Variants in MACF1 observed in about 807,000 individuals in gnomAD.
MACF1 encodes the protein microtubule-actin cross-linking factor 1.
Under a neutral mutation model 854.8 loss-of-function variants are expected in MACF1, and 193 were observed. The ratio of observed to expected loss-of-function variants is 0.23; its 90% CI spans 0.20 to 0.25. The LOEUF (loss-of-function observed/expected upper bound fraction) is 0.25. MACF1 is among the 10% of genes least tolerant of loss of function. MACF1 has a pLI of 1.00. For synonymous variants in MACF1, 3,185 were observed against 3,226.7 expected (o/e 0.99, Z 0.44); for missense variants, 7,722 against 8,929.1 (o/e 0.86, Z 5.45).
chr1:39,084,974 G>A lies in MACF1; in HGVS notation c.220+536G>A, dbSNP rs916631867. ...TGGAGAGTACAGTTTTACTTGTATC[G>A]CCTTCCAAAAGTGTTCTACATGCTG... On this transcript the variant is annotated intron_variant, in intron 2 of 93. Transcript: ENST00000361689. The surrounding 1 kb of genome is among the most constrained non-coding windows in gnomAD (Gnocchi z 5.2). Among the ~76,000 whole-genome samples, 13 of 151,950 alleles carry A rather than the reference G, an allele frequency of 8.6e-5. No homozygotes were observed. The highest frequency in any genetic ancestry group is 2.4e-4 in the African/African-American group (10 of 41,348).
chr1:39,441,053 G>A lies in MACF1; in HGVS notation c.18498G>A (p.Arg6166=). The A allele has an allele frequency of 6.2e-7, 1 of 1,614,196 alleles. No individual in the cohort carries two copies. Among genetic ancestry groups the A allele is most frequent in the Non-Finnish European group, 8.5e-7 (1 of 1,180,024 alleles). Residue 6166 remains arginine (R), a synonymous_variant, in exon 73 of 101, where the codon CGG becomes CGA. Coordinates refer to ENST00000564288, the MANE Select transcript of MACF1 (RefSeq NM_001394062.1). ...TGCATGAAGAGCTGGAGTTTATTCG[G>A]ATCCTTGGAGCAGATTTGATTTTTG... ...DGLHEELEFI[R]ILGADLIFAC...
At position 39,486,162 on chromosome 1, in the gene MACF1, T is replaced by C. The variant is rs2124275667; in HGVS notation, c.*368T>C. Reference sequence around the variant, plus strand: ...AGGATTATTCCTAAATGCATCTTCTTTATAAACTTGACTTGCTATCTCAGC... The same window carrying C: ...AGGATTATTCCTAAATGCATCTTCTCTATAAACTTGACTTGCTATCTCAGC... On this transcript the variant is annotated 3_prime_UTR_variant, in exon 101 of 101. Transcript: ENST00000564288. 6.2e-6 allele frequency: 1 copy of C among 160,584 alleles called. No homozygotes were observed. Among genetic ancestry groups the C allele is most frequent in the East Asian group, 1.8e-4 (1 of 5,570 alleles). The allele number at this position is 160,584 out of a possible 1,614,324, so 9.9% of individuals were successfully genotyped here.
At chr1:39,161,903 A>AG (rs1643806219) in intron 2 of MACF1, among the ~76,000 whole-genome samples, 1 of 150,268 alleles carries the variant, frequency 6.7e-6, no homozygotes, top group Admixed American at 6.6e-5. Flanking sequence ...ATTAAAAAAA[A>AG]AAAACTAGCC....
chr1:39,339,428 G>A (rs1186091397), intron 38 of MACF1, among the ~76,000 whole-genome samples: 1 of 152,158 alleles, frequency 6.6e-6, no homozygotes, highest in African/African-American at 2.4e-5. Context: ...AACTGCCACA[G>A]GGAGATTGAG....
At chr1:39,134,136 G>C (rs1419808619) in intron 2 of MACF1, among the ~76,000 whole-genome samples, 1 of 148,834 alleles carries the variant, frequency 6.7e-6, no homozygotes, top group Non-Finnish European at 1.5e-5. Context: ...CGCCTCCCGG[G>C]TTCATGCCAT....
At chr1:39,477,075 A>ACACTTAGTGTG (rs1331285017) in intron 97 of MACF1, among the ~76,000 whole-genome samples, 1 of 51,308 alleles carries the variant, frequency 1.9e-5, no homozygotes, top group African/African-American at 1.1e-4. Flanking sequence ...ATATATATAT[A>ACACTTAGTGTG]TATATATATA....
chr1:39,319,356 T>C (rs1646470147), intron 30 of MACF1, among the ~76,000 whole-genome samples: 1 of 152,158 alleles, frequency 6.6e-6, no homozygotes, highest in Non-Finnish European at 1.5e-5. Context: ...CTGCCTGTAA[T>C]TGCAGCACTT....
chr1:39,281,229 A>C (rs890662969), intron 6 of MACF1, among the ~76,000 whole-genome samples: 15 of 152,332 alleles, frequency 9.8e-5, no homozygotes, highest in South Asian at 2.1e-4. Flanking sequence ...GGAAAATATA[A>C]AAATCCCCTG....
rs1224158470 is a variant in MACF1, at chr1:39,309,464, C to T, written c.2790-106C>T. The T allele has an allele frequency of 1.3e-5, 18 of 1,342,932 alleles. No homozygotes were observed. In the Admixed American group the frequency reaches 1.9e-4, roughly 14 times the overall value. 83.2% of individuals were successfully genotyped at this position (1,342,932 alleles called of 1,614,324 possible). A position where few individuals can be genotyped will look rare whatever the true frequency, so the allele number is the denominator to read the frequency against. On this transcript the variant is annotated intron_variant, in intron 23 of 100. Coordinates refer to ENST00000564288, the MANE Select transcript of MACF1 (RefSeq NM_001394062.1). The stretch of plus-strand genomic sequence containing the variant: ...TGACTTGTTGCCTTTCTCTGCTCAA[C>T]ATATAAGCTCAATTCTGCTAAGGCA...
intron 58 of MACF1, among the ~76,000 whole-genome samples, chr1:39,393,189 A>AT (rs1557627745): frequency 3.7e-4 from 38 of 103,974 alleles, no homozygotes; most frequent in African/African-American, 1.7e-3. Context: ...GGTAAAAAAA[A>AT]AAAAAAAATA....
rs1376894495 is a variant in MACF1 at position 39,205,132 on chromosome 1, GTAACTAAC to G, written c.109+3_109+10del. The stretch of plus-strand genomic sequence containing the variant: ...AAGAGGCATGCCAGAGGTAGAGCAG[GTAACTAAC>G]TGGTACCCAGTTATTCTTTAAATCT... On this transcript the variant is annotated splice_donor_variant and splice_donor_5th_base_variant and intron_variant, in intron 1 of 100. Coordinates refer to ENST00000564288, the MANE Select transcript of MACF1 (RefSeq NM_001394062.1). LOFTEE classifies it high-confidence loss of function. 3 of 702,894 alleles carry G rather than the reference GTAACTAAC, an allele frequency of 4.3e-6. No individual in the cohort carries two copies. Among genetic ancestry groups the G allele is most frequent in the Non-Finnish European group, 7.8e-6 (3 of 385,000 alleles). The allele number at this position is 702,894 out of a possible 1,614,324, so 43.5% of individuals were successfully genotyped here. A position where few individuals can be genotyped will look rare whatever the true frequency, so the allele number is the denominator to read the frequency against.
In MACF1 at chr1:39,382,296, A is replaced by T. The variant is rs538700853; in HGVS notation, c.13848+144A>T. ...TAAATGAGGTATTTATAAGGTGTTA[A>T]TCATGGTGCCTGTAAAATAGTAAAC... On this transcript the variant is annotated intron_variant, in intron 56 of 100. Transcript: ENST00000564288. 4 of 729,506 alleles carry T rather than the reference A, an allele frequency of 5.5e-6. No homozygotes were observed. In the South Asian group the frequency reaches 7.5e-5, roughly 14 times the overall value. The allele number at this position is 729,506 out of a possible 1,614,324, so 45.2% of individuals were successfully genotyped here.
chr1:39,354,309 G>C (rs1238343732), intron 44 of MACF1, among the ~76,000 whole-genome samples: 1 of 152,126 alleles, frequency 6.6e-6, no homozygotes, highest in Non-Finnish European at 1.5e-5. Context: ...TCTCAGCTTA[G>C]AGTTCACTTC....
At chr1:39,205,871 T>A (rs1432208660) in intron 1 of MACF1, among the ~76,000 whole-genome samples, 2 of 152,166 alleles carry the variant, frequency 1.3e-5, no homozygotes, top group Non-Finnish European at 2.9e-5. Flanking sequence ...TGTTGACTTC[T>A]AAACACTCAG....
chr1:39,152,790 C>T (rs1643608879), intron 2 of MACF1, among the ~76,000 whole-genome samples: 1 of 151,948 alleles, frequency 6.6e-6, no homozygotes, highest in Admixed American at 6.6e-5. Flanking sequence ...TTGCCTTCTT[C>T]CTCTACTCAA....
rs373589312 is a variant in MACF1, at chr1:39,259,552, G to A, written c.528+1524G>A. ...GTTGGGATTACAGGCGTGAGCCACC[G>A]TACCAGGCCATAACAAATGTTTAAA... is the stretch of plus-strand genomic sequence containing the variant. On this transcript the variant is annotated intron_variant, in intron 6 of 100. Transcript: ENST00000564288. Among the ~76,000 whole-genome samples the A allele has an allele frequency of 2.6e-4, 39 of 152,040 alleles. No individual in the cohort carries two copies. The East Asian group carries it at 4.3e-3, about 17-fold the overall frequency.
At position 39,285,672 on chromosome 1, in the gene MACF1, G is replaced by C; in HGVS notation, c.1422G>C (p.Glu474Asp). The C allele has an allele frequency of 6.2e-7, 1 of 1,614,056 alleles. No individual in the cohort carries two copies. The highest frequency in any genetic ancestry group is 8.5e-7 in the Non-Finnish European group (1 of 1,179,976). The part of the protein sequence containing the change: ...CESDVIMYIQ[E>D]CEGLIRQLQV... ...CAGATGTCATTATGTACATTCAGGA[G>C]TGTGAAGGTCTCATCAGGCAGCTGC... Residue 474 changes from glutamate to aspartate, a missense_variant, in exon 14 of 101, where the codon GAG becomes GAC. This residue lies in a region of MACF1 where 1,137 missense variants were observed against 1,263.0 expected (regional missense o/e 0.90). Coordinates refer to ENST00000564288, the MANE Select transcript of MACF1 (RefSeq NM_001394062.1).
intron 2 of MACF1, among the ~76,000 whole-genome samples, chr1:39,116,775 C>T (rs1485779601): frequency 1.3e-5 from 2 of 152,200 alleles, no homozygotes; most frequent in African/African-American, 2.4e-5. Flanking sequence ...GACATCTTGA[C>T]TCTTGACATA....
intron 84 of MACF1, among the ~76,000 whole-genome samples, chr1:39,450,704 C>T (rs1004987463): frequency 8.6e-5 from 13 of 151,166 alleles, no homozygotes; most frequent in African/African-American, 2.4e-4. Flanking sequence ...CTCTGCCTCC[C>T]GGGTTCGCGC....
Sources: allele counts gnomAD v4.1 joint callset (sites outside exome capture counted in the v4.1 genomes callset), GRCh38; gene constraint gnomAD v4.1.1; regional missense constraint gnomAD v4.1.1; non-coding constraint Gnocchi (gnomAD v3.1); transcripts MANE v1.5; gene names NCBI Gene and HGNC (gene_info 2026-07-23, HGNC 2026-07-21).